Variants in GNAO1 observed in about 807,000 individuals in gnomAD.
GNAO1 encodes guanine nucleotide-binding protein G(o) subunit alpha.
For synonymous variants in GNAO1, 164 were observed against 180.7 expected (o/e 0.91, Z 0.74); for missense variants, 166 against 478.7 (o/e 0.35, Z 6.10).
chr16:56,207,123 T>G (rs1213605702), intron 2 of GNAO1, among the ~76,000 whole-genome samples: 1 of 152,238 alleles, frequency 6.6e-6, no homozygotes, highest in East Asian at 1.9e-4. Flanking sequence ...TGCACATATG[T>G]TACCATGTTC....
intron 6 of GNAO1, among the ~76,000 whole-genome samples, chr16:56,338,360 G>A (rs1487055948): frequency 6.6e-6 from 1 of 152,226 alleles, no homozygotes; most frequent in Non-Finnish European, 1.5e-5. Context: ...AGTGGGGCAA[G>A]GGTGGATGCG....
chr16:56,233,004 G>T (rs1477341859), intron 2 of GNAO1, among the ~76,000 whole-genome samples: 2 of 152,198 alleles, frequency 1.3e-5, no homozygotes, highest in African/African-American at 4.8e-5. Flanking sequence ...TAAGGAAAAT[G>T]CATCTATGAC....
intron 2 of GNAO1, among the ~76,000 whole-genome samples, chr16:56,205,886 T>C (rs1293365667): frequency 6.6e-6 from 1 of 151,816 alleles, no homozygotes; most frequent in African/African-American, 2.4e-5. Context: ...TTGGAGGACA[T>C]GAGGGGTAAA....
chr16:56,346,159 CT>C (rs1239872232), intron 6 of GNAO1: 1 of 985,352 alleles, frequency 1.0e-6, no homozygotes, highest in Non-Finnish European at 1.2e-6. Context: ...GGGGGTGGTC[CT>C]TGGTCCTCAG....
At chr16:56,235,280 C>G in intron 2 of GNAO1, 1 of 455,554 alleles carries the variant, frequency 2.2e-6, no homozygotes, top group South Asian at 1.6e-5. Context: ...CACCTAGAAA[C>G]TTGATAGAGA....
At chr16:56,335,413 G>A (rs1382338405) in intron 5 of GNAO1, among the ~76,000 whole-genome samples, 1 of 152,192 alleles carries the variant, frequency 6.6e-6, no homozygotes, top group East Asian at 1.9e-4. Context: ...CGGGTGAGCT[G>A]GTTCCCAGGG....
intron 6 of GNAO1, chr16:56,345,064 C>G (rs1223879892): frequency 1.4e-5 from 14 of 985,426 alleles, no homozygotes; most frequent in Admixed American, 6.2e-5. Flanking sequence ...CCCCCTGTCC[C>G]CAACTCTAAA....
At chr16:56,194,063 G>A (rs943819785) in intron 2 of GNAO1, 1 of 454,684 alleles carries the variant, frequency 2.2e-6, no homozygotes, top group Non-Finnish European at 4.4e-6. Context: ...TGTGTAACAG[G>A]CATGACAAGC....
In GNAO1 at chr16:56,349,279, G is replaced by A. The variant is rs3827949; in HGVS notation, c.724-2105G>A. Among the ~76,000 whole-genome samples, 407 of 152,344 alleles carry A rather than the reference G, an allele frequency of 2.7e-3. 15 individuals are homozygous for A. In the East Asian group the frequency reaches 0.069, roughly 26 times the overall value. On this transcript the variant is annotated intron_variant, in intron 6 of 8. Coordinates refer to ENST00000262493, the MANE Select transcript of GNAO1 (RefSeq NM_020988.3). ...GCCTGGGAAGATGTGCAGTGGAGGA[G>A]GGAGCTTGGCTCTGGCTGTGGGTTT...
Position 56,311,782 on chromosome 16 carries a change from G to T in GNAO1, c.304-16849G>T, listed in dbSNP as rs7188024. On this transcript the variant is annotated intron_variant, in intron 3 of 8. Transcript: ENST00000262493. The surrounding 1 kb of genome is among the most constrained non-coding windows in gnomAD (Gnocchi z 5.2). ...GTCCACCTCCTGCCCCGCCCAGCAC[G>T]GCCCGCTGGGACCTCCTTGCCTGGC... 6.6e-6 allele frequency among the ~76,000 whole-genome samples: 1 copy of T among 152,032 alleles called. No individual in the cohort carries two copies. Among genetic ancestry groups the T allele is most frequent in the South Asian group, 2.1e-4 (1 of 4,826 alleles).
chr16:56,259,695 G>A (rs1221824247), intron 2 of GNAO1, among the ~76,000 whole-genome samples: 1 of 152,254 alleles, frequency 6.6e-6, no homozygotes, highest in Non-Finnish European at 1.5e-5. Flanking sequence ...TGCAGAAGGG[G>A]CAGGGCGGGG....
intron 6 of GNAO1, chr16:56,345,137 G>A (rs1054231063): frequency 2.0e-5 from 20 of 985,564 alleles, no homozygotes; most frequent in African/African-American, 1.7e-5. Context: ...AGAAGGGGGC[G>A]GGGTAGCTTC....
At chr16:56,217,190 A>C (rs1322884436) in intron 2 of GNAO1, among the ~76,000 whole-genome samples, 3 of 152,234 alleles carry the variant, frequency 2.0e-5, no homozygotes, top group African/African-American at 7.2e-5. Flanking sequence ...GAGTTTTCCT[A>C]ATAAATAAAG....
intron 2 of GNAO1, among the ~76,000 whole-genome samples, chr16:56,268,206 C>G (rs1489891882): frequency 9.9e-5 from 15 of 152,212 alleles, no homozygotes; most frequent in Admixed American, 9.2e-4. Context: ...ATTTATTTGG[C>G]CAGTCTTCGT....
At position 56,265,392 on chromosome 16, in the gene GNAO1, G is replaced by A. The variant is rs1349697914; in HGVS notation, c.162-10539G>A. On this transcript the variant is annotated intron_variant, in intron 2 of 8. Coordinates refer to ENST00000262493, the MANE Select transcript of GNAO1 (RefSeq NM_020988.3). ...GAAGGCAGGCCTGGCCATGCAGGTC[G>A]GGCTCACTGCCCTGTATCCAGTGCC... Among the ~76,000 whole-genome samples the A allele has an allele frequency of 2.6e-5, 4 of 152,324 alleles. No homozygotes were observed. The South Asian group carries it at 6.2e-4, about 24-fold the overall frequency.
intron 2 of GNAO1, among the ~76,000 whole-genome samples, chr16:56,239,985 C>A (rs2036678134): frequency 6.6e-6 from 1 of 152,160 alleles, no homozygotes; most frequent in Non-Finnish European, 1.5e-5. Flanking sequence ...ATAGGTCAGG[C>A]TTTTGAGTCA....
At chr16:56,298,101 G>A (rs2037305761) in intron 3 of GNAO1, among the ~76,000 whole-genome samples, 1 of 152,222 alleles carries the variant, frequency 6.6e-6, no homozygotes, top group Non-Finnish European at 1.5e-5. Flanking sequence ...GAGCCCAGGA[G>A]GTCGAGGCTA....
At chr16:56,300,044 C>T (rs1377268032) in intron 3 of GNAO1, among the ~76,000 whole-genome samples, 263 of 37,328 alleles carry the variant, frequency 7.0e-3, no homozygotes, top group East Asian at 0.041. Context: ...TGTGCGCGCG[C>T]GCGCGCGCAC....
At position 56,347,612 on chromosome 16, in the gene GNAO1, C is replaced by A. The variant is rs1395408488; in HGVS notation, c.724-3772C>A. The A allele has an allele frequency of 3.1e-6, 3 of 974,230 alleles. No homozygotes were observed. The East Asian group carries it at 3.6e-4, about 117-fold the overall frequency. The allele number at this position is 974,230 out of a possible 1,614,324, so 60.3% of individuals were successfully genotyped here. A position where few individuals can be genotyped will look rare whatever the true frequency, so the allele number is the denominator to read the frequency against. ...CCCAGTCCAAACTCCTGGATCCCCT[C>A]CATGAGAGAGGGGCTCCCCCTGGAA... On this transcript the variant is annotated intron_variant, in intron 6 of 8. Transcript: ENST00000262493.
Sources: allele counts gnomAD v4.1 joint callset (sites outside exome capture counted in the v4.1 genomes callset), GRCh38; gene constraint gnomAD v4.1.1; non-coding constraint Gnocchi (gnomAD v3.1); transcripts MANE v1.5; gene names NCBI Gene and HGNC (gene_info 2026-07-23, HGNC 2026-07-21).